Variants in PDE3B observed in about 807,000 individuals in gnomAD.
PDE3B encodes the protein phosphodiesterase 3B.
Under a neutral mutation model 116.8 loss-of-function variants are expected in PDE3B, and 66 were observed. That is an observed-to-expected ratio of 0.56 (90% CI 0.46 to 0.69). PDE3B has a LOEUF of 0.69. PDE3B is among the 30% of genes least tolerant of loss of function. The pLI is 0.00. For synonymous variants in PDE3B, 595 were observed against 533.6 expected (o/e 1.12, Z -1.59); for missense variants, 1,384 against 1,368.1 (o/e 1.01, Z -0.18).
intron 1 of PDE3B, among the ~76,000 whole-genome samples, chr11:14,687,313 A>C (rs1854906110): frequency 6.6e-6 from 1 of 152,328 alleles, no homozygotes; most frequent in African/African-American, 2.4e-5. Flanking sequence ...TCTACTTAAA[A>C]ACATTTATGG....
chr11:14,841,513 C>T (rs1046750585), intron 11 of PDE3B, among the ~76,000 whole-genome samples: 34 of 149,824 alleles, frequency 2.3e-4, no homozygotes, highest in African/African-American at 8.1e-4. Context: ...AGTCTCTTTC[C>T]CTATGAACTC....
chr11:14,886,583 A>G, the PDE3B span: 1 of 152,864 alleles, frequency 6.5e-6, no homozygotes, highest in Non-Finnish European at 1.5e-5. Context: ...GCCTTGCTGG[A>G]GTTGTCTGCC....
At chr11:14,851,574 G>A (rs1847755788) in intron 12 of PDE3B, among the ~76,000 whole-genome samples, 1 of 151,828 alleles carries the variant, frequency 6.6e-6, no homozygotes, top group Non-Finnish European at 1.5e-5. Context: ...TTTATCCAAT[G>A]AGACTTTATT....
chr11:14,724,635 C>G (rs1043508346), intron 1 of PDE3B, among the ~76,000 whole-genome samples: 7 of 152,132 alleles, frequency 4.6e-5, no homozygotes, highest in African/African-American at 1.7e-4. Flanking sequence ...CATTTCAGAT[C>G]AGGATACTCA....
At chr11:14,749,419 G>T (rs992707566) in intron 1 of PDE3B, among the ~76,000 whole-genome samples, 3 of 152,108 alleles carry the variant, frequency 2.0e-5, no homozygotes, top group African/African-American at 7.2e-5. Flanking sequence ...TCTTTGGATA[G>T]CATTGACTAG....
chr11:14,868,194 A>G (rs965612850), intron 15 of PDE3B, among the ~76,000 whole-genome samples: 10 of 152,266 alleles, frequency 6.6e-5, no homozygotes, highest in African/African-American at 2.4e-4. Flanking sequence ...TATTTAATTA[A>G]AGTAACATCT....
At chr11:14,891,360 T>C in the PDE3B span, 3 of 985,482 alleles carry the variant, frequency 3.0e-6, no homozygotes, top group Non-Finnish European at 3.6e-6. Context: ...CAGAACGGCA[T>C]TACCATCTGC....
intron 12 of PDE3B, among the ~76,000 whole-genome samples, chr11:14,844,791 C>T (rs1387186351): frequency 6.6e-6 from 1 of 152,238 alleles, no homozygotes; most frequent in Non-Finnish European, 1.5e-5. Context: ...GGAAAGGGCG[C>T]CCGCCATTGC....
At position 14,644,624 on chromosome 11, in the gene PDE3B, C is replaced by G; in HGVS notation, c.549C>G (p.Ser183=). Residue 183 remains serine, a synonymous_variant, in exon 1 of 16, where the codon TCC becomes TCG. Coordinates refer to ENST00000282096, the MANE Select transcript of PDE3B (RefSeq NM_000922.4). ...CTTGGGGGGATGGCGACGCAGGGTC[C>G]GCGGCCCCGCACACGCCCCCGGAGG... The part of the protein sequence containing the change: ...SWPWGDGDAG[S]AAPHTPPEAA... 6.6e-7 allele frequency: 1 copy of G among 1,524,110 alleles called. No individual in the cohort carries two copies. Among genetic ancestry groups the G allele is most frequent in the South Asian group, 1.3e-5 (1 of 79,280 alleles). The allele number at this position is 1,524,110 out of a possible 1,614,324, so 94.4% of individuals were successfully genotyped here.
At chr11:14,789,013 C>A in intron 3 of PDE3B, 93 bp from the exon 4 acceptor site, 2 of 846,090 alleles carry the variant, frequency 2.4e-6, no homozygotes, top group Non-Finnish European at 1.8e-6. Context: ...TAAAAATATA[C>A]TTTGTATTGA....
Position 14,730,029 on chromosome 11 carries a change from C to T in PDE3B, c.979-41908C>T, listed in dbSNP as rs886131510. Among the ~76,000 whole-genome samples, 10 of 152,138 alleles carry T rather than the reference C, an allele frequency of 6.6e-5. No homozygotes were observed. The South Asian group carries it at 1.0e-3, about 16-fold the overall frequency. On this transcript the variant is annotated intron_variant, in intron 1 of 15. Transcript: ENST00000282096. ...GGTTAGGCAGCAAATAGGACCACAACCAAAATCACAGCACATCAGTCTGGT... is the reference window on the plus strand; with the variant it reads ...GGTTAGGCAGCAAATAGGACCACAATCAAAATCACAGCACATCAGTCTGGT...
intron 1 of PDE3B, among the ~76,000 whole-genome samples, chr11:14,722,395 TA>T (rs1202308671): frequency 6.7e-6 from 1 of 150,146 alleles, no homozygotes; most frequent in Non-Finnish European, 1.5e-5. Context: ...GCAGATAGAG[TA>T]AAAAAAATAA....
intron 1 of PDE3B, among the ~76,000 whole-genome samples, chr11:14,725,594 C>G (rs1856281344): frequency 8.5e-6 from 1 of 118,090 alleles, no homozygotes; most frequent in Non-Finnish European, 1.8e-5. Context: ...TCCCCCTTCC[C>G]TCCCCTCCCC....
At chr11:14,674,053 A>G (rs1303354559) in intron 1 of PDE3B, 3 of 1,523,844 alleles carry the variant, frequency 2.0e-6, no homozygotes, top group Non-Finnish European at 2.7e-6. Context: ...GTCATCAACA[A>G]GCCACAGTTT....
chr11:14,829,874 A>G (rs1859816291), intron 7 of PDE3B, among the ~76,000 whole-genome samples: 1 of 152,124 alleles, frequency 6.6e-6, no homozygotes, highest in Admixed American at 6.6e-5. Flanking sequence ...GAAACAAAAT[A>G]TTACCCACAC....
intron 1 of PDE3B, among the ~76,000 whole-genome samples, chr11:14,742,194 G>C (rs1489835478): frequency 6.6e-6 from 1 of 152,140 alleles, no homozygotes; most frequent in Non-Finnish European, 1.5e-5. Context: ...TTTCCAACTT[G>C]GTTCCATTCT....
the PDE3B span, among the ~76,000 whole-genome samples, chr11:14,892,712 AT>A: frequency 2.0e-5 from 3 of 152,132 alleles, no homozygotes; most frequent in African/African-American, 7.2e-5. Context: ...AAAGAAAGTA[AT>A]TTTACTGTTT....
At chr11:14,832,862 G>T (rs758938368) in intron 10 of PDE3B, 29 bp downstream of exon 10, 1 of 973,638 alleles carries the variant, frequency 1.0e-6, no homozygotes. Context: ...TATTATTTAA[G>T]TTCAAATAAT....
At chr11:14,646,554 A>G (rs924633050) in intron 1 of PDE3B, among the ~76,000 whole-genome samples, 3 of 152,226 alleles carry the variant, frequency 2.0e-5, no homozygotes, top group African/African-American at 7.2e-5. Flanking sequence ...ATAGAATGGA[A>G]TTAATTGAAT....
Sources: allele counts gnomAD v4.1 joint callset (sites outside exome capture counted in the v4.1 genomes callset), GRCh38; gene constraint gnomAD v4.1.1; transcripts MANE v1.5; gene names NCBI Gene and HGNC (gene_info 2026-07-23, HGNC 2026-07-21).